SART1: variants seen among roughly 807,000 people sequenced by gnomAD.
SART1 encodes U4/U6.U5 tri-snRNP-associated protein 1.
Under a neutral mutation model 105.0 loss-of-function variants are expected in SART1, and 28 were observed. The observed-to-expected ratio is 0.27, with a 90% CI of 0.20 to 0.37. The LOEUF (loss-of-function observed/expected upper bound fraction) is 0.37. Ranked by LOEUF, SART1 falls within the 10% of genes least tolerant of loss-of-function variation. The probability of loss-of-function intolerance (pLI) is 1.00; values close to 1 mark genes in which losing one functional copy is unlikely to be tolerated. For synonymous variants in SART1, 472 were observed against 462.9 expected (o/e 1.02, Z -0.25); for missense variants, 894 against 1,106.5 (o/e 0.81, Z 2.72).
At chr11:65,964,190 A>T (rs752671197) in intron 2 of SART1, 59 bp downstream of exon 2, 77 of 1,403,464 alleles carry the variant, frequency 5.5e-5, no homozygotes, top group Non-Finnish European at 7.6e-5. Flanking sequence ...CTCTGGGGCC[A>T]GCACGGGGGA....
chr11:65,966,099 G>T lies in SART1; in HGVS notation c.862G>T (p.Val288Leu). ...DKGVLQEEEDVLVNVNLVDKE... is the reference protein window; with the variant it reads ...DKGVLQEEEDLLVNVNLVDKE... ...AGGCGTGCTGCAGGAGGAGGAGGAC[G>T]TGCTGGTGAACGTGAACCTGGTGGA... The change falls in exon 8 of 20, where the codon GTG becomes TTG. Residue 288 changes from valine to leucine, a missense_variant. Transcript: ENST00000312397. 6.2e-7 allele frequency: 1 copy of T among 1,613,992 alleles called. No homozygotes were observed. Among genetic ancestry groups the T allele is most frequent in the Non-Finnish European group, 8.5e-7 (1 of 1,180,012 alleles).
At chr11:65,968,013 A>G (rs1236496749) in intron 12 of SART1, among the ~76,000 whole-genome samples, 192 bp downstream of exon 12, 2 of 146,196 alleles carry the variant, frequency 1.4e-5, no homozygotes, top group African/African-American at 2.5e-5. Flanking sequence ...GCAGTGGCGC[A>G]GCCTCAGCTC....
At chr11:65,964,975 C>T in intron 3 of SART1, 117 bp from the exon 4 acceptor site, 2 of 1,317,354 alleles carry the variant, frequency 1.5e-6, no homozygotes, top group Non-Finnish European at 2.0e-6. Flanking sequence ...AAGGATTGTT[C>T]CTTCCTGTCC....
chr11:65,965,545 G>C (rs1280871212), intron 5 of SART1, 98 bp downstream of exon 5: 1 of 1,378,622 alleles, frequency 7.3e-7, no homozygotes, highest in Admixed American at 2.1e-5. Flanking sequence ...ACGGGGCTTG[G>C]AGAAGGGAAG....
chr11:65,977,413 G>GC (rs763425130), intron 15 of SART1, 150 bp from the exon 16 acceptor site: 6 of 683,850 alleles, frequency 8.8e-6, no homozygotes, highest in Non-Finnish European at 1.5e-5. Flanking sequence ...GCTCATTTCT[G>GC]CATCTTTGCT....
chr11:65,965,292 G>C, intron 4 of SART1, 50 bp from the exon 5 acceptor site: 3 of 1,603,498 alleles, frequency 1.9e-6, no homozygotes, highest in Non-Finnish European at 2.6e-6. Flanking sequence ...CTTGAGTGGG[G>C]TGGGGAGCAG....
intron 12 of SART1, among the ~76,000 whole-genome samples, chr11:65,974,290 C>T (rs1392194590): frequency 7.0e-6 from 1 of 142,902 alleles, no homozygotes; most frequent in South Asian, 2.3e-4. Context: ...AGGAGAATCA[C>T]TTGAACCCGA....
chr11:65,966,037 G>A (rs765341930), intron 7 of SART1, 39 bp from the exon 8 acceptor site: 76 of 1,613,710 alleles, frequency 4.7e-5, no homozygotes, highest in Non-Finnish European at 6.0e-5. Flanking sequence ...GCTGAGTTGC[G>A]GACAAGTGTG....
Position 65,976,587 on chromosome 11 carries a change from C to A in SART1, c.1746+19C>A. ...GCTCATGGTGCGTCTGGGGCGGCCC[C>A]GCCCTCTGCTTCCCTCGGCTGGGTG... On this transcript the variant is annotated intron_variant, in intron 13 of 19. Coordinates refer to ENST00000312397, the MANE Select transcript of SART1 (RefSeq NM_005146.5). The surrounding 1 kb of genome is among the most constrained non-coding windows in gnomAD (Gnocchi z 5.1). The A allele has an allele frequency of 6.2e-7, 1 of 1,613,462 alleles. No homozygotes were observed.
At chr11:65,975,920 T>A (rs931954066) in intron 12 of SART1, among the ~76,000 whole-genome samples, 1 of 152,000 alleles carries the variant, frequency 6.6e-6, no homozygotes, top group Non-Finnish European at 1.5e-5. Context: ...TCTTCCCATG[T>A]CACGGAACCT....
rs902473484 is a variant in SART1, at chr11:65,979,283, C to G, written c.*253C>G. On this transcript the variant is annotated 3_prime_UTR_variant, in exon 20 of 20. Coordinates refer to ENST00000312397, the MANE Select transcript of SART1 (RefSeq NM_005146.5). ...GCTGTCGGTCACACCTCTGCAGGGC[C>G]GGCTCTCTGATAGAAAGTGGAAGGC... 1.3e-5 allele frequency: 8 copies of G among 594,702 alleles called. No homozygotes were observed. The highest frequency in any genetic ancestry group is 2.4e-5 in the Non-Finnish European group (8 of 335,032). 36.8% of individuals were successfully genotyped at this position (594,702 alleles called of 1,614,324 possible).
chr11:65,965,630 G>T, intron 5 of SART1, 72 bp from the exon 6 acceptor site: 4 of 1,500,074 alleles, frequency 2.7e-6, no homozygotes, highest in Non-Finnish European at 3.7e-6. Flanking sequence ...CACTCCGCTT[G>T]GTAGAGCCCT....
At chr11:65,962,634 G>C (rs1038236107) in intron 1 of SART1, among the ~76,000 whole-genome samples, 3 of 152,210 alleles carry the variant, frequency 2.0e-5, no homozygotes, top group East Asian at 3.8e-4. Flanking sequence ...GGATAGTAGG[G>C]AGCCATGGAT....
At position 65,978,306 on chromosome 11, in the gene SART1, G is replaced by C. The variant is rs9988860; in HGVS notation, c.2173-294G>C. ...CTTGCTCTCTGGGGTTTGTCTCCCT[G>C]CAGCCCCAGCCCCAGCCCCAGCGTC... On this transcript the variant is annotated intron_variant, in intron 17 of 19. Coordinates refer to ENST00000312397, the MANE Select transcript of SART1 (RefSeq NM_005146.5). This position sits in a 1 kb window ranked among gnomAD's most constrained non-coding sequence, Gnocchi z 6.8. 0.99 allele frequency among the ~76,000 whole-genome samples: 150,908 copies of C among 152,102 alleles called. 74,931 individuals are homozygous for C. The highest frequency in any genetic ancestry group is 1 in the Middle Eastern group (294 of 294).
Position 65,976,334 on chromosome 11 carries a change from G to A in SART1, c.1573-61G>A. On this transcript the variant is annotated intron_variant, in intron 12 of 19. Transcript: ENST00000312397. The surrounding 1 kb of genome is among the most constrained non-coding windows in gnomAD (Gnocchi z 5.1). ...TGCCAGGGAGGACCCTTAGGTTCCT[G>A]GGTCTCAATGGCATCACCCCAGAAA... 1 of 1,452,572 alleles carries A rather than the reference G, an allele frequency of 6.9e-7. No individual in the cohort carries two copies. Among genetic ancestry groups the A allele is most frequent in the South Asian group, 1.5e-5 (1 of 68,230 alleles). 90.0% of individuals were successfully genotyped at this position (1,452,572 alleles called of 1,614,324 possible).
intron 12 of SART1, among the ~76,000 whole-genome samples, chr11:65,973,620 C>T (rs557539048): frequency 1.7e-4 from 26 of 152,308 alleles, no homozygotes; most frequent in Non-Finnish European, 2.2e-4. Context: ...TGTGCGTGCC[C>T]GGGGCCCACC....
At chr11:65,972,107 T>C (rs534870547) in intron 12 of SART1, among the ~76,000 whole-genome samples, 25 of 152,196 alleles carry the variant, frequency 1.6e-4, no homozygotes, top group African/African-American at 5.8e-4. Context: ...GACAATATAT[T>C]GTCAAGATGT....
rs542303302 is a variant in SART1 at position 65,966,244 on chromosome 11, G to A, written c.981+26G>A. 6.3e-5 allele frequency: 101 copies of A among 1,613,820 alleles called. No individual in the cohort carries two copies. In the East Asian group the frequency reaches 8.2e-4, roughly 13 times the overall value. On this transcript the variant is annotated intron_variant, in intron 8 of 19. Transcript: ENST00000312397. ...GCACGGCCTGGGCAGGCTGGGTGGC[G>A]GGGGCTGAGGTGGAGAATGTCGGGA...
Position 65,978,354 on chromosome 11 carries a change from G to C in SART1, c.2173-246G>C, listed in dbSNP as rs1351816032. On this transcript the variant is annotated intron_variant, in intron 17 of 19. Coordinates refer to ENST00000312397, the MANE Select transcript of SART1 (RefSeq NM_005146.5). The surrounding 1 kb of genome is among the most constrained non-coding windows in gnomAD (Gnocchi z 6.8). The stretch of plus-strand genomic sequence containing the variant: ...GTCCAGGCCCAGCCCCTGCGTGGCA[G>C]GTCTCCAGGTTCCCCATGCTCTGCC... 3 of 556,438 alleles carry C rather than the reference G, an allele frequency of 5.4e-6. No homozygotes were observed. The highest frequency in any genetic ancestry group is 9.7e-6 in the Non-Finnish European group (3 of 309,426). 34.5% of individuals were successfully genotyped at this position (556,438 alleles called of 1,614,324 possible). A position where few individuals can be genotyped will look rare whatever the true frequency, so the allele number is the denominator to read the frequency against.
Sources: allele counts gnomAD v4.1 joint callset (sites outside exome capture counted in the v4.1 genomes callset), GRCh38; gene constraint gnomAD v4.1.1; non-coding constraint Gnocchi (gnomAD v3.1); transcripts MANE v1.5; gene names NCBI Gene and HGNC (gene_info 2026-07-23, HGNC 2026-07-21).